TBL1XR1: variants seen among roughly 807,000 people sequenced by gnomAD.
TBL1XR1 encodes the protein F-box-like/WD repeat-containing protein TBL1XR1.
Under a neutral mutation model 66.9 loss-of-function variants are expected in TBL1XR1, and 5 were observed. The observed-to-expected ratio is 0.07, with a 90% CI of 0.04 to 0.16. The LOEUF (loss-of-function observed/expected upper bound fraction) is 0.16, where lower values mean the gene tolerates loss of function less well. TBL1XR1 is among the 10% of genes least tolerant of loss of function. The pLI is 1.00. For synonymous variants in TBL1XR1, 210 were observed against 206.0 expected, an observed-to-expected ratio of 1.02 and a Z score of -0.17; for missense variants, 238 against 623.2, an observed-to-expected ratio of 0.38 and a Z score of 6.58.
intron 1 of TBL1XR1, among the ~76,000 whole-genome samples, chr3:177,187,426 T>C (rs890845220): frequency 4.7e-5 from 7 of 149,550 alleles, no homozygotes; most frequent in Admixed American, 2.0e-4. Context: ...AGGATCTTAA[T>C]AAAGGAATTG....
At chr3:177,092,820 G>C (rs1218254812) in intron 2 of TBL1XR1, among the ~76,000 whole-genome samples, 1 of 152,004 alleles carries the variant, frequency 6.6e-6, no homozygotes, top group East Asian at 1.9e-4. Context: ...AGATGTCAAA[G>C]AGATTTGCAC....
intron 2 of TBL1XR1, among the ~76,000 whole-genome samples, chr3:177,081,843 T>C (rs114479517): frequency 0.011 from 1,748 of 152,164 alleles, 40 homozygotes; most frequent in African/African-American, 0.04. Context: ...TACAGTATTG[T>C]ATATATAATA....
chr3:177,096,466 A>C (rs1349128192), intron 2 of TBL1XR1, among the ~76,000 whole-genome samples: 2 of 152,194 alleles, frequency 1.3e-5, no homozygotes, highest in African/African-American at 4.8e-5. Context: ...TTATAAAAAC[A>C]GTCTATATGA....
Position 177,187,854 on chromosome 3 carries a change from A to T in TBL1XR1, c.-122+9267T>A, listed in dbSNP as rs866318552. Among the ~76,000 whole-genome samples, 3 of 49,686 alleles carry T rather than the reference A, an allele frequency of 6.0e-5. No homozygotes were observed. In the South Asian group the frequency reaches 1.9e-3, roughly 31 times the overall value. 32.6% of individuals were successfully genotyped at this position (49,686 alleles called of 152,430 possible). A position where few individuals can be genotyped will look rare whatever the true frequency, so the allele number is the denominator to read the frequency against. ...CTGACACCTAGTTTATTAAAAAGTT[A>T]AAAAAAAATCCACCATTTTAAGGTA... On this transcript the variant is annotated intron_variant, in intron 1 of 15. Transcript: ENST00000457928.
chr3:177,198,162 A>C (rs1312458528), upstream of TBL1XR1, among the ~76,000 whole-genome samples: 1 of 152,202 alleles, frequency 6.6e-6, no homozygotes, highest in Non-Finnish European at 1.5e-5. Context: ...AAGGTGCTTT[A>C]TCTGTAATAA....
At chr3:177,196,041 C>T (rs898843418) in intron 1 of TBL1XR1, among the ~76,000 whole-genome samples, 2 of 152,062 alleles carry the variant, frequency 1.3e-5, no homozygotes, top group Non-Finnish European at 2.9e-5. Flanking sequence ...TTTTTAAAAG[C>T]CACAACCCAA....
chr3:177,023,660 C>G lies in TBL1XR1; in HGVS notation c.*1838G>C, dbSNP rs1489083784. 1 of 152,452 alleles carries G rather than the reference C, an allele frequency of 6.6e-6. No individual in the cohort carries two copies. 9.4% of individuals were successfully genotyped at this position (152,452 alleles called of 1,614,324 possible). A position where few individuals can be genotyped will look rare whatever the true frequency, so the allele number is the denominator to read the frequency against. On this transcript the variant is annotated 3_prime_UTR_variant, in exon 16 of 16. Transcript: ENST00000457928. ...TTACCAATAGCAAATGCTACCCTAC[C>G]TTAGTAAAACCAAGACTTGCTTCAA... is the stretch of plus-strand genomic sequence containing the variant.
rs1273127023 is a variant in TBL1XR1 at position 177,153,274 on chromosome 3, G to A, written c.-122+43847C>T. Among the ~76,000 whole-genome samples the A allele has an allele frequency of 5.3e-5, 8 of 152,260 alleles. No individual in the cohort carries two copies. The East Asian group carries it at 1.5e-3, about 29-fold the overall frequency. On this transcript the variant is annotated intron_variant, in intron 1 of 15. Coordinates refer to ENST00000457928, the MANE Select transcript of TBL1XR1 (RefSeq NM_024665.7). ...AAGTAGATAGAATTTCTCACCAAGAGACCTGACTAGAAGAAGTGTTAAAGG... is the reference window on the plus strand; with the variant it reads ...AAGTAGATAGAATTTCTCACCAAGAAACCTGACTAGAAGAAGTGTTAAAGG...
chr3:177,180,594 T>C (rs1734704819), intron 1 of TBL1XR1, among the ~76,000 whole-genome samples: 2 of 152,140 alleles, frequency 1.3e-5, no homozygotes, highest in African/African-American at 4.8e-5. Context: ...TCTCTGACAG[T>C]AAATTCTGGT....
intron 1 of TBL1XR1, among the ~76,000 whole-genome samples, chr3:177,153,056 G>A (rs922386547): frequency 5.3e-5 from 8 of 152,056 alleles, no homozygotes; most frequent in East Asian, 1.9e-4. Context: ...CACGAGAATC[G>A]CCCGGGAAGT....
At chr3:177,120,801 C>T (rs1248470684) in intron 1 of TBL1XR1, 1 of 152,220 alleles carries the variant, frequency 6.6e-6, no homozygotes, top group African/African-American at 2.4e-5. Context: ...CGGACCAGCT[C>T]AAATTTACAG....
At chr3:177,174,936 T>C (rs1733985750) in intron 1 of TBL1XR1, among the ~76,000 whole-genome samples, 1 of 152,192 alleles carries the variant, frequency 6.6e-6, no homozygotes, top group South Asian at 2.1e-4. Context: ...ATATGAGCCC[T>C]GCTTACCAAT....
chr3:177,054,988 T>C (rs1463747541), intron 3 of TBL1XR1, among the ~76,000 whole-genome samples: 1 of 152,196 alleles, frequency 6.6e-6, no homozygotes, highest in Non-Finnish European at 1.5e-5. Context: ...TTAATCACCA[T>C]TTATCATTAA....
intron 1 of TBL1XR1, among the ~76,000 whole-genome samples, chr3:177,194,315 G>A (rs1014340145): frequency 2.6e-5 from 4 of 152,128 alleles, no homozygotes; most frequent in African/African-American, 7.2e-5. Flanking sequence ...GCATTTCAGT[G>A]ACTTATACTG....
At chr3:177,174,219 C>T (rs1733893715) in intron 1 of TBL1XR1, among the ~76,000 whole-genome samples, 2 of 151,962 alleles carry the variant, frequency 1.3e-5, no homozygotes, top group Admixed American at 1.3e-4. Flanking sequence ...ACCATCCTGG[C>T]TAACCAGTGA....
intron 1 of TBL1XR1, among the ~76,000 whole-genome samples, chr3:177,142,270 C>T (rs1223641280): frequency 6.6e-6 from 1 of 152,204 alleles, no homozygotes; most frequent in African/African-American, 2.4e-5. Flanking sequence ...CAGAGCAGGG[C>T]TCCCCCATTA....
chr3:177,083,320 A>G (rs1021391222), intron 2 of TBL1XR1, among the ~76,000 whole-genome samples: 4 of 152,222 alleles, frequency 2.6e-5, no homozygotes, highest in Non-Finnish European at 5.9e-5. Flanking sequence ...TGTCTGTATT[A>G]GAAATGACCT....
chr3:177,105,503 T>G (rs192835225), intron 1 of TBL1XR1, among the ~76,000 whole-genome samples: 1 of 152,226 alleles, frequency 6.6e-6, no homozygotes, highest in Non-Finnish European at 1.5e-5. Context: ...TACATCTTAA[T>G]AGATTTCTCA....
At chr3:177,030,102 G>GTA (rs1713737225) in intron 14 of TBL1XR1, among the ~76,000 whole-genome samples, 2 of 150,136 alleles carry the variant, frequency 1.3e-5, no homozygotes, top group East Asian at 4.1e-4. Flanking sequence ...AGGTGTGTGT[G>GTA]TGTATGTGTG....
Sources: allele counts gnomAD v4.1 joint callset (sites outside exome capture counted in the v4.1 genomes callset), GRCh38; gene constraint gnomAD v4.1.1; transcripts MANE v1.5; gene names NCBI Gene and HGNC (gene_info 2026-07-23, HGNC 2026-07-21).